ARMC2: variants seen among roughly 807,000 people sequenced by gnomAD.
The protein encoded by ARMC2 is armadillo repeat containing 2.
Under a neutral mutation model 90.3 loss-of-function variants are expected in ARMC2, and 67 were observed. That is an observed-to-expected ratio of 0.74 (90% confidence interval 0.61 to 0.91). The LOEUF (loss-of-function observed/expected upper bound fraction) is 0.91, where lower values mean the gene tolerates loss of function less well. Ranked by LOEUF, ARMC2 falls within the 40% of genes least tolerant of loss-of-function variation. ARMC2 has a pLI of 0.00. For synonymous variants in ARMC2, 393 were observed against 393.0 expected (o/e 1.00, Z 0.00); for missense variants, 920 against 1,030.9 (o/e 0.89, Z 1.47).
At chr6:108,988,683 C>A in the ARMC2 span, 1 of 1,601,614 alleles carries the variant, frequency 6.2e-7, no homozygotes, top group Non-Finnish European at 8.5e-7. Flanking sequence ...TCATAATCAT[C>A]ATATCTGTTG....
chr6:108,861,128 C>T (rs1775194331), intron 3 of ARMC2, among the ~76,000 whole-genome samples: 1 of 152,188 alleles, frequency 6.6e-6, no homozygotes, highest in Non-Finnish European at 1.5e-5. Flanking sequence ...CACAGAATTT[C>T]AGCTAATCCT....
chr6:108,923,612 C>G (rs1018200927), intron 10 of ARMC2, among the ~76,000 whole-genome samples: 1 of 137,574 alleles, frequency 7.3e-6, no homozygotes, highest in Admixed American at 7.8e-5. Context: ...CTCTCCTCCC[C>G]ACACCCTTTT....
chr6:108,981,091 T>G, the ARMC2 span, among the ~76,000 whole-genome samples: 1 of 152,144 alleles, frequency 6.6e-6, no homozygotes. Context: ...GGCTAATTTA[T>G]CTAAAACATT....
intron 15 of ARMC2, among the ~76,000 whole-genome samples, chr6:108,963,510 C>A (rs1041095759): frequency 6.6e-6 from 1 of 152,154 alleles, no homozygotes; most frequent in Non-Finnish European, 1.5e-5. Context: ...CAGGGCAGCC[C>A]CTCTCAGGTG....
chr6:108,979,439 T>TCAAC (rs1341562279), downstream of ARMC2, among the ~76,000 whole-genome samples: 3 of 152,190 alleles, frequency 2.0e-5, no homozygotes, highest in Admixed American at 6.5e-5. Flanking sequence ...TTCCTTCATT[T>TCAAC]CAACCTTGGT....
At chr6:108,988,735 G>T in the ARMC2 span, 2 of 1,457,146 alleles carry the variant, frequency 1.4e-6, no homozygotes, top group Non-Finnish European at 1.9e-6. Flanking sequence ...TGTATAACCT[G>T]TTTTCATCTT....
At chr6:108,973,204 A>G (rs1209154914) in intron 17 of ARMC2, among the ~76,000 whole-genome samples, 153 bp from the exon 18 acceptor site, 1 of 152,208 alleles carries the variant, frequency 6.6e-6, no homozygotes, top group African/African-American at 2.4e-5. Context: ...AAAGAACAGA[A>G]GAGAGTAAAG....
chr6:108,930,298 G>C (rs1373234845), intron 11 of ARMC2, among the ~76,000 whole-genome samples: 2 of 151,964 alleles, frequency 1.3e-5, no homozygotes, highest in African/African-American at 4.8e-5. Flanking sequence ...CTAGGAGTTT[G>C]TCTATAGATG....
Position 108,894,506 on chromosome 6 carries a change from C to A in ARMC2, c.711C>A (p.Pro237=). 1 of 1,611,640 alleles carries A rather than the reference C, an allele frequency of 6.2e-7. No individual in the cohort carries two copies. The highest frequency in any genetic ancestry group is 1.1e-5 in the South Asian group (1 of 90,880). The change falls in exon 6 of 18, where the codon CCC becomes CCA. Residue 237 remains proline, a synonymous_variant. Transcript: ENST00000392644. The part of the protein sequence containing the change: ...GKRHARASSC[P]SSSDLSRLQT... ...GACATGCGAGGGCCTCATCATGCCC[C>A]AGTAGCTCAGACCTGAGCAGGCTGC...
At chr6:108,953,420 GTC>G in intron 13 of ARMC2, 69 bp downstream of exon 13, 1 of 1,450,080 alleles carries the variant, frequency 6.9e-7, no homozygotes. Flanking sequence ...ACAGTTCTGT[GTC>G]TGTGGTGTGA....
intron 3 of ARMC2, among the ~76,000 whole-genome samples, chr6:108,862,328 AGT>A (rs1329399198): frequency 7.8e-6 from 1 of 127,482 alleles, no homozygotes; most frequent in African/African-American, 2.9e-5. Context: ...TGGGTAATAG[AGT>A]GAGACTCATC....
At chr6:108,961,442 T>G in intron 13 of ARMC2, 130 bp from the exon 14 acceptor site, 1 of 957,004 alleles carries the variant, frequency 1.0e-6, no homozygotes. Flanking sequence ...TAAAGGTGCC[T>G]CTCCAGGGCC....
At chr6:108,972,311 C>T (rs1474569815) in intron 17 of ARMC2, among the ~76,000 whole-genome samples, 2 of 152,210 alleles carry the variant, frequency 1.3e-5, no homozygotes, top group Non-Finnish European at 2.9e-5. Context: ...CATGGGCTCA[C>T]TTGGGATTCT....
chr6:109,021,623 G>A, the ARMC2 span, among the ~76,000 whole-genome samples: 1 of 151,930 alleles, frequency 6.6e-6, no homozygotes, highest in Non-Finnish European at 1.5e-5. Context: ...TGTATTTTTA[G>A]TGGAGACGGG....
intron 6 of ARMC2, among the ~76,000 whole-genome samples, chr6:108,894,967 T>C (rs902497315): frequency 2.0e-5 from 3 of 150,714 alleles, no homozygotes. Flanking sequence ...GAGCTTTCAT[T>C]GTTTTAGCCA....
At chr6:108,923,188 C>T (rs1774758535) in intron 10 of ARMC2, 2 of 152,006 alleles carry the variant, frequency 1.3e-5, no homozygotes, top group South Asian at 4.1e-4. Flanking sequence ...CCTTTAGAGA[C>T]TAAACAAGAC....
intron 3 of ARMC2, among the ~76,000 whole-genome samples, chr6:108,859,648 T>C (rs1775009927): frequency 1.3e-5 from 2 of 152,202 alleles, no homozygotes; most frequent in South Asian, 4.1e-4. Flanking sequence ...ATATTTAATA[T>C]CATCATAGTG....
chr6:108,911,619 A>G, intron 9 of ARMC2, among the ~76,000 whole-genome samples: 1 of 152,198 alleles, frequency 6.6e-6, no homozygotes, highest in Non-Finnish European at 1.5e-5. Flanking sequence ...AGGATAAATT[A>G]TCTTTTCATC....
the ARMC2 span, among the ~76,000 whole-genome samples, chr6:109,002,906 TTTTG>T: frequency 2.0e-5 from 3 of 152,188 alleles, no homozygotes; most frequent in African/African-American, 7.2e-5. Context: ...GAGAAACTCA[TTTTG>T]TTTGTAAGTT....
Sources: gnomAD v4.1 joint callset for allele counts (sites outside exome capture counted in the v4.1 genomes callset) on GRCh38, gnomAD v4.1.1 for gene constraint, MANE v1.5 for transcripts, NCBI Gene and HGNC (gene_info 2026-07-23, HGNC 2026-07-21) for gene names.